The following OPRM1 variants were observed in gnomAD, a reference collection of about 807,000 sequenced individuals.
The protein encoded by OPRM1 is mu-type opioid receptor.
In OPRM1, 27 loss-of-function variants were observed where a neutral mutation model predicts 31.8. The observed-to-expected ratio is 0.85, with a 90% CI of 0.63 to 1.17. OPRM1 has a LOEUF of 1.17. Ranked by LOEUF, OPRM1 falls within the 50% of genes most tolerant of loss-of-function variation. The pLI, the probability that OPRM1 is intolerant of heterozygous loss-of-function variation, is 0.00. For synonymous variants in OPRM1, 196 were observed against 189.9 expected (o/e 1.03, Z -0.26); for missense variants, 536 against 511.1 (o/e 1.05, Z -0.47).
chr6:154,047,699 T>C (rs1052020325), intron 1 of OPRM1, among the ~76,000 whole-genome samples: 4 of 152,144 alleles, frequency 2.6e-5, no homozygotes, highest in African/African-American at 9.7e-5. Flanking sequence ...CAGGCAAAAA[T>C]GTTGTTAAGT....
intron 1 of OPRM1, among the ~76,000 whole-genome samples, chr6:154,047,211 A>C (rs1781286305): frequency 7.2e-6 from 1 of 138,218 alleles, no homozygotes; most frequent in African/African-American, 2.7e-5. Flanking sequence ...CCAGGTGAGC[A>C]TCACATGTTT....
chr6:154,225,358 A>C (rs1016723619), intron 3 of OPRM1, among the ~76,000 whole-genome samples: 3 of 152,220 alleles, frequency 2.0e-5, no homozygotes, highest in African/African-American at 7.2e-5. Flanking sequence ...CCATTAACAG[A>C]TAAATGGATA....
chr6:154,085,958 C>T (rs1056461615), intron 1 of OPRM1, among the ~76,000 whole-genome samples: 4 of 142,992 alleles, frequency 2.8e-5, no homozygotes, highest in African/African-American at 1.1e-4. Flanking sequence ...TACGATTCTC[C>T]TGCCTCAGCC....
At chr6:154,146,206 C>A (rs958642704) in intron 3 of OPRM1, among the ~76,000 whole-genome samples, 1 of 152,216 alleles carries the variant, frequency 6.6e-6, no homozygotes, top group Non-Finnish European at 1.5e-5. Context: ...TCAAGACCAG[C>A]CTGGCTAACA....
At chr6:154,089,340 A>T (rs1791438074) in intron 1 of OPRM1, among the ~76,000 whole-genome samples, 2 of 152,208 alleles carry the variant, frequency 1.3e-5, no homozygotes, top group South Asian at 2.1e-4. Flanking sequence ...TAACACAAAC[A>T]CTTTGGGAGG....
intron 1 of OPRM1, among the ~76,000 whole-genome samples, chr6:154,058,897 G>T (rs1201136788): frequency 6.6e-6 from 1 of 152,140 alleles, no homozygotes; most frequent in Non-Finnish European, 1.5e-5. Context: ...ATAGAATTCA[G>T]AAAATTTGTG....
chr6:154,127,064 G>T lies in OPRM1; in HGVS notation c.*8343G>T, dbSNP rs182733961. ...GCGGAAGTTGCAGTGAGCCAAGATC[G>T]CAGCATTGCACTCCAGCCTGGGCAA... is the stretch of plus-strand genomic sequence containing the variant. On this transcript the variant is annotated 3_prime_UTR_variant, in exon 4 of 4. Transcript: ENST00000330432. Among the ~76,000 whole-genome samples, 1 of 148,734 alleles carries T rather than the reference G, an allele frequency of 6.7e-6. No homozygotes were observed.
At chr6:154,148,240 A>G (rs181166230) in intron 3 of OPRM1, among the ~76,000 whole-genome samples, 141 of 152,356 alleles carry the variant, frequency 9.3e-4, no homozygotes, top group African/African-American at 3.2e-3. Flanking sequence ...AGGAAAGGCC[A>G]ATCCATGGGT....
Position 154,123,104 on chromosome 6 carries a change from C to A in OPRM1, c.*4383C>A, listed in dbSNP as rs1467610299. Among the ~76,000 whole-genome samples, 2 of 152,124 alleles carry A rather than the reference C, an allele frequency of 1.3e-5. No individual in the cohort carries two copies. The highest frequency in any genetic ancestry group is 1.3e-4 in the Admixed American group (2 of 15,266). ...CTGTTTTTACAGCTGAATCCAAAAG[C>A]TTTTATAAGAAACTCCTCTCATCTC... On this transcript the variant is annotated 3_prime_UTR_variant, in exon 4 of 4. Coordinates refer to ENST00000330432, the MANE Select transcript of OPRM1 (RefSeq NM_000914.5).
Position 154,039,595 on chromosome 6 carries a change from GGCGTACTCAA to G in OPRM1, c.53_62del (p.Ala18ValfsTer17). 6.2e-7 allele frequency: 1 copy of G among 1,613,936 alleles called. No homozygotes were observed. The highest frequency in any genetic ancestry group is 8.5e-7 in the Non-Finnish European group (1 of 1,179,920). ...ACGCCAGCAATTGCACTGATGCCTT[GGCGTACTCAA>G]GTTGCTCCCCAGCACCCAGCCCCGG... On this transcript the variant is annotated frameshift_variant, in exon 1 of 4. Coordinates refer to ENST00000330432, the MANE Select transcript of OPRM1 (RefSeq NM_000914.5). LOFTEE classifies it high-confidence loss of function.
intron 3 of OPRM1, chr6:154,093,289 T>C: frequency 6.2e-7 from 1 of 1,613,262 alleles, no homozygotes; most frequent in East Asian, 2.2e-5. Context: ...ATACCTTCCC[T>C]GTCTTGCTGG....
intron 3 of OPRM1, among the ~76,000 whole-genome samples, chr6:154,100,098 ATGATATATATAT>A (rs1224155522): frequency 2.3e-4 from 14 of 61,626 alleles, no homozygotes; most frequent in African/African-American, 7.3e-4. Context: ...TTATCATATT[ATGATATATATAT>A]TATATATTAT....
chr6:154,183,310 C>T (rs1489086861), intron 3 of OPRM1, among the ~76,000 whole-genome samples: 1 of 152,192 alleles, frequency 6.6e-6, no homozygotes, highest in Non-Finnish European at 1.5e-5. Flanking sequence ...CGCTCTCATT[C>T]ACTTATCGCT....
At chr6:154,197,250 T>G (rs1236606418) in intron 3 of OPRM1, among the ~76,000 whole-genome samples, 3 of 152,212 alleles carry the variant, frequency 2.0e-5, no homozygotes, top group African/African-American at 7.2e-5. Context: ...AAAGCTACCT[T>G]TGTCTGCAAC....
chr6:154,118,770 T>C lies in OPRM1; in HGVS notation c.*49T>C. On this transcript the variant is annotated 3_prime_UTR_variant, in exon 4 of 4. Coordinates refer to ENST00000330432, the MANE Select transcript of OPRM1 (RefSeq NM_000914.5). ...TTCACCAAGCTTAGAAGCCACCATGTATGTGGAAGCAGGTTGCTTCAAGAA... is the reference window on the plus strand; with the variant it reads ...TTCACCAAGCTTAGAAGCCACCATGCATGTGGAAGCAGGTTGCTTCAAGAA... 6 of 1,609,066 alleles carry C rather than the reference T, an allele frequency of 3.7e-6. No homozygotes were observed. Among genetic ancestry groups the C allele is most frequent in the Non-Finnish European group, 5.1e-6 (6 of 1,178,374 alleles).
chr6:154,213,984 G>A (rs1778177392), intron 3 of OPRM1, among the ~76,000 whole-genome samples: 1 of 152,222 alleles, frequency 6.6e-6, no homozygotes, highest in Non-Finnish European at 1.5e-5. Context: ...GCCCACAGCT[G>A]CCGGAGTGTG....
At chr6:154,188,720 T>C (rs1029757300) in intron 3 of OPRM1, among the ~76,000 whole-genome samples, 2 of 152,234 alleles carry the variant, frequency 1.3e-5, no homozygotes, top group African/African-American at 2.4e-5. Flanking sequence ...CAGCACTCGA[T>C]TCATGAGAAA....
intron 3 of OPRM1, chr6:154,223,217 G>A: frequency 1.9e-6 from 3 of 1,613,568 alleles, no homozygotes; most frequent in Non-Finnish European, 2.5e-6. Flanking sequence ...AATCAGGCAG[G>A]TTGACAAATC....
At position 154,031,098 on chromosome 6, in the gene OPRM1, T is replaced by C. The variant is rs186529931; in HGVS notation, c.1-8063T>C. Among the ~76,000 whole-genome samples, 14 of 152,346 alleles carry C rather than the reference T, an allele frequency of 9.2e-5. 1 individual carries two copies. In the Middle Eastern group the frequency reaches 0.014, roughly 148 times the overall value. ...TAAAGCAATTAAAAAAATAAAATTT[T>C]CTATGTAGTTTAATCTCATCAAAAG... On this transcript the variant is annotated intron_variant, in intron 1 of 5. Transcript: ENST00000434900.
Sources: allele counts gnomAD v4.1 joint callset (sites outside exome capture counted in the v4.1 genomes callset), GRCh38; gene constraint gnomAD v4.1.1; transcripts MANE v1.5; gene names NCBI Gene and HGNC (gene_info 2026-07-23, HGNC 2026-07-21).